The following EVA1C variants were observed in gnomAD, a reference collection of about 807,000 sequenced individuals.
The protein encoded by EVA1C is eva-1 homolog C.
Under a neutral mutation model 45.4 loss-of-function variants are expected in EVA1C, and 25 were observed. That is an observed-to-expected ratio of 0.55 (90% confidence interval 0.40 to 0.77). EVA1C has a LOEUF of 0.77. Among genes scored for constraint, EVA1C ranks in the 30% least tolerant of loss-of-function variants. The pLI is 0.00. For missense variants in EVA1C, 479 were observed against 554.8 expected (o/e 0.86, Z 1.37); for synonymous variants, 190 against 221.2 (o/e 0.86, Z 1.25).
intron 1 of EVA1C, among the ~76,000 whole-genome samples, chr21:32,448,923 A>AGAGAAAG (rs2035464996): frequency 6.6e-6 from 1 of 150,852 alleles, no homozygotes; most frequent in Admixed American, 6.6e-5. Context: ...AAAGAGAGAA[A>AGAGAAAG]GAAAGAAAGA....
At chr21:32,447,477 A>G (rs2035406169) in intron 1 of EVA1C, among the ~76,000 whole-genome samples, 1 of 152,092 alleles carries the variant, frequency 6.6e-6, no homozygotes, top group African/African-American at 2.4e-5. Flanking sequence ...CTTTAACTCA[A>G]TCACAATTAT....
At chr21:32,504,883 T>C (rs1163313940) in intron 7 of EVA1C, among the ~76,000 whole-genome samples, 1 of 151,818 alleles carries the variant, frequency 6.6e-6, no homozygotes, top group Non-Finnish European at 1.5e-5. Context: ...GGAAAGAGGT[T>C]TAATGGACTC....
At chr21:32,432,642 G>A (rs2034754573) in intron 1 of EVA1C, among the ~76,000 whole-genome samples, 1 of 151,616 alleles carries the variant, frequency 6.6e-6, no homozygotes, top group South Asian at 2.1e-4. Context: ...TGAAAATGTT[G>A]TTCCGTAATC....
rs35551211 is a variant in EVA1C, at chr21:32,427,855, TAAAA to T, written c.160+14861_160+14864del. 6.3e-3 allele frequency among the ~76,000 whole-genome samples: 770 copies of T among 122,494 alleles called. 11 individuals are homozygous for T. The highest frequency in any genetic ancestry group is 0.031 in the Admixed American group (364 of 11,858). The allele number at this position is 122,494 out of a possible 152,430, so 80.4% of individuals were successfully genotyped here. A position where few individuals can be genotyped will look rare whatever the true frequency, so the allele number is the denominator to read the frequency against. On this transcript the variant is annotated intron_variant, in intron 1 of 7. Transcript: ENST00000300255. ...CAACATAGCAGGACTCCATCTCTAT[TAAAA>T]AAAAAAAAAAAAAAAAAAGAAAGGC... is the stretch of plus-strand genomic sequence containing the variant.
At chr21:32,487,000 C>G (rs1414610663) in intron 4 of EVA1C, among the ~76,000 whole-genome samples, 1 of 152,158 alleles carries the variant, frequency 6.6e-6, no homozygotes, top group East Asian at 1.9e-4. Flanking sequence ...GGCCAGAGAT[C>G]CTAAAACCTT....
intron 5 of EVA1C, among the ~76,000 whole-genome samples, chr21:32,499,217 C>T (rs1029309839): frequency 3.3e-5 from 5 of 152,246 alleles, no homozygotes; most frequent in Non-Finnish European, 7.3e-5. Context: ...AAGAGGCAGA[C>T]ATGAGAAAGA....
At chr21:32,494,619 C>T (rs1168211542) in intron 4 of EVA1C, among the ~76,000 whole-genome samples, 1 of 152,108 alleles carries the variant, frequency 6.6e-6, no homozygotes, top group African/African-American at 2.4e-5. Flanking sequence ...CCCATCTCTA[C>T]TAAAAATACA....
chr21:32,482,791 G>T (rs1426857285), intron 4 of EVA1C, among the ~76,000 whole-genome samples: 1 of 150,812 alleles, frequency 6.6e-6, no homozygotes, highest in Non-Finnish European at 1.5e-5. Context: ...ACCCTCTTGT[G>T]TTCTGGAACC....
At chr21:32,513,475 G>A (rs141360372) in intron 7 of EVA1C, among the ~76,000 whole-genome samples, 12,666 of 146,576 alleles carry the variant, frequency 0.086, 590 homozygotes, top group African/African-American at 0.1. Flanking sequence ...CACCGTGCCC[G>A]GCCAATACTT....
chr21:32,501,637 C>T (rs1053505922), intron 6 of EVA1C, 142 bp downstream of exon 6: 11 of 970,818 alleles, frequency 1.1e-5, no homozygotes, highest in South Asian at 2.1e-5. Flanking sequence ...GTGATAATAG[C>T]GCTTATTATC....
At chr21:32,435,843 C>T (rs1029763192) in intron 1 of EVA1C, among the ~76,000 whole-genome samples, 2 of 145,892 alleles carry the variant, frequency 1.4e-5, no homozygotes, top group African/African-American at 5.3e-5. Context: ...ATTTAATGTC[C>T]TTCTAAGTAA....
chr21:32,485,169 CT>C (rs2036931081), intron 4 of EVA1C, among the ~76,000 whole-genome samples: 1 of 152,176 alleles, frequency 6.6e-6, no homozygotes, highest in Non-Finnish European at 1.5e-5. Flanking sequence ...ACACCTGAAA[CT>C]CACCTGATGT....
At chr21:32,423,070 CAAAAAAAAAAAAAA>C (rs3056306) in intron 1 of EVA1C, among the ~76,000 whole-genome samples, 3 of 85,600 alleles carry the variant, frequency 3.5e-5, no homozygotes, top group South Asian at 8.6e-4. Context: ...GACTCTGTCT[CAAAAAAAAAAAAAA>C]AAAAAAAAAA....
intron 4 of EVA1C, among the ~76,000 whole-genome samples, chr21:32,481,013 A>G (rs2036763012): frequency 6.6e-6 from 1 of 152,106 alleles, no homozygotes; most frequent in Admixed American, 6.6e-5. Context: ...GATTCCATTG[A>G]GAGGGAAGAA....
At chr21:32,439,368 AGGTCACTGGCGAG>A in intron 1 of EVA1C, among the ~76,000 whole-genome samples, 1 of 152,222 alleles carries the variant, frequency 6.6e-6, no homozygotes, top group African/African-American at 2.4e-5. Flanking sequence ...AAGCGGAGCC[AGGTCACTGGCGAG>A]TGTGCCAGGG....
At chr21:32,439,853 A>G (rs1007333022) in intron 1 of EVA1C, among the ~76,000 whole-genome samples, 4 of 145,088 alleles carry the variant, frequency 2.8e-5, no homozygotes, top group African/African-American at 1.1e-4. Flanking sequence ...CCCTAAAGTG[A>G]AAAAAAAAGG....
intron 1 of EVA1C, among the ~76,000 whole-genome samples, chr21:32,432,539 G>T (rs2034749017): frequency 6.6e-6 from 1 of 152,160 alleles, no homozygotes. Flanking sequence ...GGGGTTTGGG[G>T]TTAGCGAGAG....
intron 1 of EVA1C, among the ~76,000 whole-genome samples, chr21:32,419,192 A>G (rs757325943): frequency 2.0e-5 from 3 of 152,084 alleles, no homozygotes; most frequent in Non-Finnish European, 4.4e-5. Flanking sequence ...AGATGAGTTC[A>G]TGAGTTAAAA....
chr21:32,494,511 G>A (rs553797272), intron 4 of EVA1C, among the ~76,000 whole-genome samples: 3 of 152,130 alleles, frequency 2.0e-5, no homozygotes, highest in Non-Finnish European at 1.5e-5. Flanking sequence ...GACCGGGTGC[G>A]GTGGCTCACA....
Sources: allele counts gnomAD v4.1 joint callset (sites outside exome capture counted in the v4.1 genomes callset), GRCh38; gene constraint gnomAD v4.1.1; transcripts MANE v1.5; gene names NCBI Gene and HGNC (gene_info 2026-07-23, HGNC 2026-07-21).